The following MGRN1 variants were observed in gnomAD, a reference collection of about 807,000 sequenced individuals.
MGRN1 encodes the protein E3 ubiquitin-protein ligase MGRN1.
Under a neutral mutation model 69.2 loss-of-function variants are expected in MGRN1, and 29 were observed. The observed-to-expected ratio is 0.42, with a 90% CI of 0.31 to 0.57. The LOEUF (loss-of-function observed/expected upper bound fraction) is 0.57. Among genes scored for constraint, MGRN1 ranks in the 20% least tolerant of loss-of-function variants. MGRN1 has a pLI of 0.15. For synonymous variants in MGRN1, 470 were observed against 344.2 expected (o/e 1.37, Z -4.04); for missense variants, 998 against 796.2 (o/e 1.25, Z -3.05).
chr16:4,641,619 A>C (rs1343791119), intron 1 of MGRN1, among the ~76,000 whole-genome samples: 2 of 151,060 alleles, frequency 1.3e-5, no homozygotes, highest in Non-Finnish European at 2.9e-5. Flanking sequence ...CCCAGGTTCA[A>C]GTGATTCTCC....
At chr16:4,634,637 G>C (rs902035289) in intron 1 of MGRN1, 1 of 152,544 alleles carries the variant, frequency 6.6e-6, no homozygotes, top group African/African-American at 2.4e-5. Context: ...GTGTCCCTCT[G>C]CTTGTTTGTG....
intron 2 of MGRN1, 100 bp downstream of exon 2, chr16:4,650,583 A>C: frequency 1.1e-6 from 1 of 928,854 alleles, no homozygotes; most frequent in Non-Finnish European, 1.6e-6. Flanking sequence ...GCACCAAATC[A>C]CCCCTAAAGG....
At chr16:4,686,774 C>T in intron 16 of MGRN1, 15 of 993,218 alleles carry the variant, frequency 1.5e-5, no homozygotes, top group Non-Finnish European at 1.8e-5. Flanking sequence ...CATGAGTTCG[C>T]ATCGGTCCTG....
rs115919472 is a variant in MGRN1 at position 4,638,057 on chromosome 16, C to T, written c.89-12308C>T. On this transcript the variant is annotated intron_variant, in intron 1 of 16. Coordinates refer to ENST00000262370, the MANE Select transcript of MGRN1 (RefSeq NM_015246.4). ...GTATCACGTTTACATATGGGAGGTCCGAAAGGGACTTCTAGCCAGTGTGTT... is the reference window on the plus strand; with the variant it reads ...GTATCACGTTTACATATGGGAGGTCTGAAAGGGACTTCTAGCCAGTGTGTT... Among the ~76,000 whole-genome samples, 4 of 152,154 alleles carry T rather than the reference C, an allele frequency of 2.6e-5. No homozygotes were observed. In the South Asian group the frequency reaches 6.2e-4, roughly 24 times the overall value.
chr16:4,628,058 T>C (rs1302201158), intron 1 of MGRN1, among the ~76,000 whole-genome samples: 8 of 119,494 alleles, frequency 6.7e-5, no homozygotes, highest in Non-Finnish European at 1.0e-4. Flanking sequence ...CCAGCCTAGG[T>C]GTCAGAGTGA....
At chr16:4,664,668 G>A (rs200240050) in intron 5 of MGRN1, 41 bp from the exon 6 acceptor site, 2 of 1,608,616 alleles carry the variant, frequency 1.2e-6, no homozygotes, top group East Asian at 2.2e-5. Context: ...TCCAGGCTTG[G>A]CTGTGTGGGT....
rs537971530 is a variant in MGRN1, at chr16:4,629,913, G to A, written c.88+4865G>A. On this transcript the variant is annotated intron_variant, in intron 1 of 16. Transcript: ENST00000262370. ...ATACAAAAATGAGCTGGACGCAATG[G>A]CGCACGCCCGTAATCCCAGCTACTC... 3.2e-4 allele frequency among the ~76,000 whole-genome samples: 49 copies of A among 151,760 alleles called. No individual in the cohort carries two copies. In the East Asian group the frequency reaches 4.9e-3, roughly 15 times the overall value.
chr16:4,644,645 A>G (rs1044103658), intron 1 of MGRN1, among the ~76,000 whole-genome samples: 1 of 152,216 alleles, frequency 6.6e-6, no homozygotes, highest in Non-Finnish European at 1.5e-5. Context: ...GATAACATCA[A>G]TTAGATAGGA....
Position 4,665,098 on chromosome 16 carries a change from G to A in MGRN1, c.629-4G>A. Reference sequence around the variant, plus strand: ...TGACTACTCTGCCCCTCTCTCCCCAGCAGTGGTGGAAGTGACTGGCCACGC... The same window carrying A: ...TGACTACTCTGCCCCTCTCTCCCCAACAGTGGTGGAAGTGACTGGCCACGC... On this transcript the variant is annotated splice_region_variant and splice_polypyrimidine_tract_variant and intron_variant, in intron 6 of 16. Transcript: ENST00000262370. 1.2e-6 allele frequency: 2 copies of A among 1,614,220 alleles called. No homozygotes were observed. Among genetic ancestry groups the A allele is most frequent in the East Asian group, 2.2e-5 (1 of 44,884 alleles).
intron 5 of MGRN1, among the ~76,000 whole-genome samples, chr16:4,663,256 G>A (rs1326226332): frequency 6.6e-6 from 1 of 151,484 alleles, no homozygotes; most frequent in Non-Finnish European, 1.5e-5. Flanking sequence ...TAGAGACAGG[G>A]TTTCACCATA....
At chr16:4,670,128 G>A (rs540076758) in intron 8 of MGRN1, among the ~76,000 whole-genome samples, 5 of 152,252 alleles carry the variant, frequency 3.3e-5, no homozygotes, top group East Asian at 1.9e-4. Flanking sequence ...GCAGTGGCGC[G>A]ATCTCAGCTC....
Position 4,683,952 on chromosome 16 carries a change from G to T in MGRN1, c.1618+20G>T. 2 of 1,525,106 alleles carry T rather than the reference G, an allele frequency of 1.3e-6. No homozygotes were observed. Among genetic ancestry groups the T allele is most frequent in the Non-Finnish European group, 8.9e-7 (1 of 1,123,788 alleles). 94.5% of individuals were successfully genotyped at this position (1,525,106 alleles called of 1,614,324 possible). ...TGCCAGGTAAGGGGCTGGGGGTCTG[G>T]GGGTGAGGGGCTGGGTGCCTGTCTT... On this transcript the variant is annotated intron_variant, in intron 16 of 16. Coordinates refer to ENST00000262370, the MANE Select transcript of MGRN1 (RefSeq NM_015246.4).
chr16:4,679,795 G>A (rs1014124269), intron 11 of MGRN1, among the ~76,000 whole-genome samples: 1 of 152,140 alleles, frequency 6.6e-6, no homozygotes, highest in Non-Finnish European at 1.5e-5. Flanking sequence ...ATGAGATTGG[G>A]CTCCACAGCC....
In MGRN1 at chr16:4,683,248, G is replaced by T. The variant is rs2079229865; in HGVS notation, c.1507G>T (p.Glu503Ter). Residue 503 changes from glutamate (E) to a stop codon, truncating the protein, a stop_gained, in exon 15 of 17, where the codon GAG becomes TAG. Coordinates refer to ENST00000262370, the MANE Select transcript of MGRN1 (RefSeq NM_015246.4). LOFTEE classifies it high-confidence loss of function. ...PESFITEEVD[E>*]SSSPQQGTRA... ...GAGTTTCATAACAGAAGAGGTTGAT[G>T]AGTCGTCGTCACCACAGCAAGGTGA... is the stretch of plus-strand genomic sequence containing the variant. 1.9e-6 allele frequency: 3 copies of T among 1,613,700 alleles called. No homozygotes were observed. Among genetic ancestry groups the T allele is most frequent in the African/African-American group, 2.7e-5 (2 of 74,950 alleles).
intron 4 of MGRN1, among the ~76,000 whole-genome samples, chr16:4,654,445 T>C (rs571852830): frequency 6.6e-6 from 1 of 152,368 alleles, no homozygotes. Context: ...AAACTGCAAC[T>C]TCAGCAGGAG....
intron 16 of MGRN1, chr16:4,687,045 A>T (rs1262722883): frequency 8.1e-6 from 8 of 985,420 alleles, no homozygotes; most frequent in Admixed American, 6.2e-5. Flanking sequence ...CAGCATGGCC[A>T]CCGTGGGCCT....
chr16:4,656,589 A>T (rs2078543433), intron 4 of MGRN1, among the ~76,000 whole-genome samples: 1 of 152,210 alleles, frequency 6.6e-6, no homozygotes, highest in Non-Finnish European at 1.5e-5. Flanking sequence ...TCATTTAAAA[A>T]GTAAACTCAA....
intron 4 of MGRN1, 81 bp from the exon 5 acceptor site, chr16:4,657,165 C>T (rs1029809750): frequency 7.5e-5 from 101 of 1,349,918 alleles, no homozygotes; most frequent in Non-Finnish European, 7.3e-5. Flanking sequence ...TGCGGCCCTT[C>T]CAGCTGTCGG....
intron 16 of MGRN1, among the ~76,000 whole-genome samples, chr16:4,684,997 G>C (rs2079275854): frequency 6.6e-6 from 1 of 152,236 alleles, no homozygotes; most frequent in South Asian, 2.1e-4. Flanking sequence ...CCGGACTCTG[G>C]CTGAGCAGTG....
Sources: allele counts gnomAD v4.1 joint callset (sites outside exome capture counted in the v4.1 genomes callset), GRCh38; gene constraint gnomAD v4.1.1; transcripts MANE v1.5; gene names NCBI Gene and HGNC (gene_info 2026-07-23, HGNC 2026-07-21).